The following EPB41L3 variants were observed in gnomAD, a reference collection of about 807,000 sequenced individuals.
EPB41L3 encodes the protein erythrocyte membrane protein band 4.1 like 3.
Under a neutral mutation model 127.1 loss-of-function variants are expected in EPB41L3, and 57 were observed. That is an observed-to-expected ratio of 0.45 (90% confidence interval 0.36 to 0.56). The LOEUF (loss-of-function observed/expected upper bound fraction) is 0.56, where lower values mean the gene tolerates loss of function less well. Ranked by LOEUF, EPB41L3 falls within the 20% of genes least tolerant of loss-of-function variation. The pLI, the probability that EPB41L3 is intolerant of heterozygous loss-of-function variation, is 0.00. For missense variants in EPB41L3, 1,273 were observed against 1,372.2 expected (o/e 0.93, Z 1.14); for synonymous variants, 572 against 549.5 (o/e 1.04, Z -0.57).
chr18:5,447,043 G>A (rs2081569380), intron 3 of EPB41L3, among the ~76,000 whole-genome samples: 1 of 152,282 alleles, frequency 6.6e-6, no homozygotes, highest in South Asian at 2.1e-4. Flanking sequence ...TAAGAACAGA[G>A]GTTCAAAGCA....
chr18:5,629,476 A>G (rs2094964383), upstream of EPB41L3, among the ~76,000 whole-genome samples: 1 of 150,640 alleles, frequency 6.6e-6, no homozygotes, highest in Non-Finnish European at 1.5e-5. Context: ...CCACGCCACA[A>G]GCCGGAATGC....
At chr18:5,484,086 C>CAAAAAAAAAAAAAAAAAACAAAAAAAAAA (rs2089171850) in intron 2 of EPB41L3, among the ~76,000 whole-genome samples, 1 of 18,264 alleles carries the variant, frequency 5.5e-5, no homozygotes, top group African/African-American at 1.2e-4. Context: ...CAAACAAACT[C>CAAAAAAAAAAAAAAAAAACAAAAAAAAAA]AAAAAAAAAA....
At chr18:5,478,975 A>T (rs1221359617) in intron 2 of EPB41L3, among the ~76,000 whole-genome samples, 1 of 152,224 alleles carries the variant, frequency 6.6e-6, no homozygotes, top group East Asian at 1.9e-4. Flanking sequence ...CAATTCAATG[A>T]AGTCAGCAGA....
At chr18:5,551,477 C>A (rs909483248) in intron 3 of EPB41L3, among the ~76,000 whole-genome samples, 1 of 152,148 alleles carries the variant, frequency 6.6e-6, no homozygotes, top group Non-Finnish European at 1.5e-5. Context: ...GTAATCCCAG[C>A]ACTTTGGGAG....
chr18:5,570,103 CT>C (rs1310640321), intron 3 of EPB41L3: 1 of 118,622 alleles, frequency 8.4e-6, no homozygotes, highest in Non-Finnish European at 1.7e-5. Flanking sequence ...GACAACTGTG[CT>C]TTGATTGGTC....
At chr18:5,459,539 TA>T (rs1430084237) in intron 3 of EPB41L3, among the ~76,000 whole-genome samples, 1 of 152,086 alleles carries the variant, frequency 6.6e-6, no homozygotes, top group East Asian at 1.9e-4. Context: ...TTTTTGAGGA[TA>T]AAAAGAGAAA....
At chr18:5,516,006 C>T (rs375321567) in intron 1 of EPB41L3, among the ~76,000 whole-genome samples, 9 of 152,270 alleles carry the variant, frequency 5.9e-5, no homozygotes, top group South Asian at 4.1e-4. Flanking sequence ...ATGAACCAAA[C>T]GCAAGTAAGT....
upstream of EPB41L3, among the ~76,000 whole-genome samples, chr18:5,548,453 A>G (rs184983239): frequency 1.3e-3 from 197 of 152,346 alleles, no homozygotes; most frequent in Admixed American, 0.01. Context: ...TATACATAAG[A>G]TGGAGCAAGT....
chr18:5,450,242 T>C (rs185245900), intron 3 of EPB41L3, among the ~76,000 whole-genome samples: 70 of 152,262 alleles, frequency 4.6e-4, no homozygotes, highest in African/African-American at 1.6e-3. Flanking sequence ...CAGTCCGTTA[T>C]CTGTATGATC....
At chr18:5,594,835 T>C (rs1398652678) in intron 3 of EPB41L3, among the ~76,000 whole-genome samples, 2 of 152,184 alleles carry the variant, frequency 1.3e-5, no homozygotes, top group Non-Finnish European at 2.9e-5. Flanking sequence ...GGACATGATG[T>C]TGGATTACAT....
chr18:5,480,768 T>A (rs919207863), intron 2 of EPB41L3: 3 of 152,222 alleles, frequency 2.0e-5, no homozygotes. Context: ...CATCTCTCCC[T>A]CTTAGTGTCA....
chr18:5,617,500 A>C (rs2094811311), intron 1 of EPB41L3, among the ~76,000 whole-genome samples: 1 of 152,012 alleles, frequency 6.6e-6, no homozygotes. Flanking sequence ...TTGTATTTTT[A>C]GTAGAGACGG....
At chr18:5,564,105 T>A (rs1182962573) in intron 3 of EPB41L3, among the ~76,000 whole-genome samples, 2 of 152,178 alleles carry the variant, frequency 1.3e-5, no homozygotes, top group African/African-American at 4.8e-5. Flanking sequence ...AGATTTAGAA[T>A]GTAGTCACAA....
chr18:5,412,182 A>G (rs143213299), intron 13 of EPB41L3, among the ~76,000 whole-genome samples: 2 of 152,194 alleles, frequency 1.3e-5, no homozygotes, highest in East Asian at 3.9e-4. Context: ...TCAAGAATAA[A>G]TAAGAATGAC....
chr18:5,423,436 T>C lies in EPB41L3; in HGVS notation c.1281A>G (p.Ala427=). 6.2e-7 allele frequency: 1 copy of C among 1,613,814 alleles called. No homozygotes were observed. Among genetic ancestry groups the C allele is most frequent in the South Asian group, 1.1e-5 (1 of 91,066 alleles). ...TGCTGGATGAGCGTTCAAAGTAAGGTGCTGGGCGATCTATCAACGCACTGG... is the reference window on the plus strand; with the variant it reads ...TGCTGGATGAGCGTTCAAAGTAAGGCGCTGGGCGATCTATCAACGCACTGG... ...RRASALIDRP[A]PYFERSSSKR... The change falls in exon 11 of 23, where the codon GCA becomes GCG. Residue 427 remains alanine, a synonymous_variant. Coordinates refer to ENST00000341928, the MANE Select transcript of EPB41L3 (RefSeq NM_012307.5).
intron 3 of EPB41L3, among the ~76,000 whole-genome samples, chr18:5,460,195 C>A (rs2083747656): frequency 6.6e-6 from 1 of 152,168 alleles, no homozygotes; most frequent in Non-Finnish European, 1.5e-5. Context: ...AGGATAATCA[C>A]TGGCTGCTTT....
At chr18:5,499,551 CAG>C (rs1329447748) in intron 1 of EPB41L3, among the ~76,000 whole-genome samples, 1 of 151,904 alleles carries the variant, frequency 6.6e-6, no homozygotes, top group Non-Finnish European at 1.5e-5. Context: ...ATCACGAGGT[CAG>C]GAGATCAAGA....
At chr18:5,630,270 C>A (rs368354526), upstream of EPB41L3, 39 of 461,042 alleles carry the variant, frequency 8.5e-5, no homozygotes, top group Non-Finnish European at 1.6e-4. Flanking sequence ...CTTTCTCCCC[C>A]ATCGACCTCG....
intron 3 of EPB41L3, among the ~76,000 whole-genome samples, chr18:5,447,079 T>G (rs2146409029): frequency 6.6e-6 from 1 of 152,328 alleles, no homozygotes; most frequent in African/African-American, 2.4e-5. Flanking sequence ...CAGACTTATG[T>G]GATGACCTGG....
Sources: allele counts gnomAD v4.1 joint callset (sites outside exome capture counted in the v4.1 genomes callset), GRCh38; gene constraint gnomAD v4.1.1; transcripts MANE v1.5; gene names NCBI Gene and HGNC (gene_info 2026-07-23, HGNC 2026-07-21).